The following SHROOM3 variants were observed in gnomAD, a reference collection of about 807,000 sequenced individuals.
SHROOM3 encodes protein Shroom3.
In SHROOM3, 47 loss-of-function variants were observed where a neutral mutation model predicts 138.6. That is an observed-to-expected ratio of 0.34 (90% confidence interval 0.27 to 0.43). The LOEUF (loss-of-function observed/expected upper bound fraction) is 0.43. SHROOM3 is among the 20% of genes least tolerant of loss of function. The pLI is 1.00. For synonymous variants in SHROOM3, 1,062 were observed against 1,063.3 expected, an observed-to-expected ratio of 1.00 and a Z score of 0.02; for missense variants, 2,491 against 2,596.5, an observed-to-expected ratio of 0.96 and a Z score of 0.88.
At chr4:76,493,151 G>A (rs1169535131) in intron 1 of SHROOM3, among the ~76,000 whole-genome samples, 1 of 150,648 alleles carries the variant, frequency 6.6e-6, no homozygotes, top group African/African-American at 2.4e-5. Context: ...AACTCGAGAG[G>A]CGGCGGTTGC....
Position 76,756,525 on chromosome 4 carries a change from A to T in SHROOM3, c.4786A>T (p.Thr1596Ser). ...TGCAGCCCATGTGGTAGGTAGTCAG[A>T]CACTGGCTTCCAGACTCCAAACTTC... Reference protein sequence around the residue: ...PGAAHVVGSQTLASRLQTSIK... With the variant: ...PGAAHVVGSQSLASRLQTSIK... Residue 1596 changes from threonine (T) to serine (S), a missense_variant, in exon 8 of 11, where the codon ACA becomes TCA. Thr to Ser is a moderately conservative substitution (Grantham distance 58). This residue lies in a region of SHROOM3 where 470 missense variants were observed against 595.0 expected (regional missense o/e 0.79). Coordinates refer to ENST00000296043, the MANE Select transcript of SHROOM3 (RefSeq NM_020859.4). 1.2e-6 allele frequency: 2 copies of T among 1,613,724 alleles called. No homozygotes were observed. Among genetic ancestry groups the T allele is most frequent in the Non-Finnish European group, 1.7e-6 (2 of 1,179,978 alleles).
intron 2 of SHROOM3, among the ~76,000 whole-genome samples, chr4:76,694,007 T>C (rs1387703726): frequency 6.6e-6 from 1 of 152,078 alleles, no homozygotes; most frequent in Non-Finnish European, 1.5e-5. Context: ...CTATCAAAAT[T>C]AACGTCATGC....
chr4:76,556,869 C>T lies in SHROOM3; in HGVS notation c.323+1106C>T, dbSNP rs145399324. On this transcript the variant is annotated intron_variant, in intron 2 of 10. Transcript: ENST00000296043. ...CTCCTCCCAGCCACAAAAAACACAG[C>T]GATGACTGTGGTCCCACTGTGTCTC... Among the ~76,000 whole-genome samples, 22 of 152,270 alleles carry T rather than the reference C, an allele frequency of 1.4e-4. No homozygotes were observed. In the East Asian group the frequency reaches 3.3e-3, roughly 23 times the overall value.
chr4:76,488,995 A>G (rs528425327), intron 1 of SHROOM3, among the ~76,000 whole-genome samples: 1 of 152,262 alleles, frequency 6.6e-6, no homozygotes, highest in Admixed American at 6.5e-5. Context: ...GCAGATTACT[A>G]GAAACTTGGA....
At chr4:76,747,803 C>T (rs1316513722) in intron 5 of SHROOM3, among the ~76,000 whole-genome samples, 1 of 152,110 alleles carries the variant, frequency 6.6e-6, no homozygotes, top group Non-Finnish European at 1.5e-5. Flanking sequence ...TTTTCTCAAG[C>T]CATTCAAGTC....
At chr4:76,576,165 G>T (rs1400868360) in intron 2 of SHROOM3, among the ~76,000 whole-genome samples, 1 of 152,142 alleles carries the variant, frequency 6.6e-6, no homozygotes, top group East Asian at 1.9e-4. Flanking sequence ...CCCAAAGAAA[G>T]GAAATCAGTA....
intron 2 of SHROOM3, among the ~76,000 whole-genome samples, chr4:76,662,921 A>C (rs1718578476): frequency 6.7e-6 from 1 of 149,802 alleles, no homozygotes; most frequent in Non-Finnish European, 1.5e-5. Flanking sequence ...GAGGGAGAGG[A>C]AGGGAGAGGG....
intron 1 of SHROOM3, among the ~76,000 whole-genome samples, chr4:76,521,165 T>C (rs1470112230): frequency 6.6e-6 from 1 of 152,158 alleles, no homozygotes; most frequent in Non-Finnish European, 1.5e-5. Context: ...TTGATTAAAG[T>C]TGAGTACCTT....
intron 1 of SHROOM3, among the ~76,000 whole-genome samples, chr4:76,468,357 G>A (rs1159638462): frequency 6.6e-6 from 1 of 152,134 alleles, no homozygotes; most frequent in Non-Finnish European, 1.5e-5. Context: ...TGAACTTGTA[G>A]AAATACTCAA....
At chr4:76,688,849 G>A (rs182621226) in intron 2 of SHROOM3, 2 of 985,188 alleles carry the variant, frequency 2.0e-6, no homozygotes, top group Non-Finnish European at 2.4e-6. Flanking sequence ...ACAAAAACAG[G>A]CCCGGAAGGA....
At chr4:76,650,915 T>C (rs1735941822) in intron 2 of SHROOM3, among the ~76,000 whole-genome samples, 1 of 152,166 alleles carries the variant, frequency 6.6e-6, no homozygotes, top group African/African-American at 2.4e-5. Context: ...ATAAAGAAAA[T>C]GTGGTACTTA....
intron 2 of SHROOM3, among the ~76,000 whole-genome samples, chr4:76,575,862 CAT>C (rs1204120097): frequency 2.0e-5 from 3 of 152,176 alleles, no homozygotes; most frequent in South Asian, 2.1e-4. Flanking sequence ...CAAAAGAAGA[CAT>C]ATAAATGGCA....
intron 2 of SHROOM3, among the ~76,000 whole-genome samples, chr4:76,576,183 G>C (rs1025257183): frequency 3.9e-5 from 6 of 152,190 alleles, no homozygotes. Flanking sequence ...GTACCTCTAA[G>C]AGGTATCTGG....
chr4:76,534,684 A>G (rs1483082271), intron 1 of SHROOM3, among the ~76,000 whole-genome samples: 2 of 152,134 alleles, frequency 1.3e-5, no homozygotes, highest in Non-Finnish European at 2.9e-5. Context: ...TCCTTAGCCC[A>G]CAGTTTCTCA....
At chr4:76,545,018 T>A (rs1334093818) in intron 1 of SHROOM3, among the ~76,000 whole-genome samples, 1 of 152,236 alleles carries the variant, frequency 6.6e-6, no homozygotes, top group Non-Finnish European at 1.5e-5. Context: ...TTTCTTGGAA[T>A]TAATCTTGTC....
chr4:76,584,237 G>A (rs1033701548), intron 2 of SHROOM3, among the ~76,000 whole-genome samples: 3 of 151,910 alleles, frequency 2.0e-5, no homozygotes, highest in Non-Finnish European at 2.9e-5. Flanking sequence ...AGAATCTCTT[G>A]TATCCGGGAG....
At chr4:76,655,262 G>T (rs1736040912) in intron 2 of SHROOM3, among the ~76,000 whole-genome samples, 1 of 152,106 alleles carries the variant, frequency 6.6e-6, no homozygotes, top group African/African-American at 2.4e-5. Flanking sequence ...GAAGTCCTGA[G>T]GTCCCCTAGT....
intron 1 of SHROOM3, among the ~76,000 whole-genome samples, chr4:76,524,298 A>G (rs1220821973): frequency 6.6e-6 from 1 of 152,086 alleles, no homozygotes; most frequent in Admixed American, 6.6e-5. Context: ...CCCTATTTCT[A>G]CTGGGATGTT....
intron 2 of SHROOM3, among the ~76,000 whole-genome samples, chr4:76,607,539 T>A (rs769984858): frequency 6.6e-6 from 1 of 152,182 alleles, no homozygotes; most frequent in Non-Finnish European, 1.5e-5. Flanking sequence ...TAAAAACTCA[T>A]GTCTTCATCC....
Sources: gnomAD v4.1 joint callset for allele counts (sites outside exome capture counted in the v4.1 genomes callset) on GRCh38, gnomAD v4.1.1 for gene constraint, gnomAD v4.1.1 regional missense constraint, MANE v1.5 for transcripts, NCBI Gene and HGNC (gene_info 2026-07-23, HGNC 2026-07-21) for gene names.